The following VPS39 variants were observed in gnomAD, a reference collection of about 807,000 sequenced individuals.
VPS39 encodes the protein VPS39 subunit of HOPS complex.
In VPS39, 70 loss-of-function variants were observed where a neutral mutation model predicts 121.0. The observed-to-expected ratio is 0.58, with a 90% CI of 0.48 to 0.71. VPS39 has a LOEUF of 0.71. VPS39 is among the 30% of genes least tolerant of loss of function. The pLI, the probability that VPS39 is intolerant of heterozygous loss-of-function variation, is 0.00. For synonymous variants in VPS39, 378 were observed against 398.1 expected (o/e 0.95, Z 0.60); for missense variants, 818 against 1,051.5 (o/e 0.78, Z 3.07).
chr15:42,181,991 G>A (rs2049591078), intron 8 of VPS39, among the ~76,000 whole-genome samples: 1 of 152,170 alleles, frequency 6.6e-6, no homozygotes, highest in Non-Finnish European at 1.5e-5. Context: ...TGGGATTACA[G>A]GCATGAGTCG....
chr15:42,206,725 C>T (rs2050180765), intron 1 of VPS39, among the ~76,000 whole-genome samples: 1 of 152,116 alleles, frequency 6.6e-6, no homozygotes, highest in Non-Finnish European at 1.5e-5. Context: ...TGTATTTGTC[C>T]CCCAGTGTGT....
At chr15:42,184,459 C>T in intron 8 of VPS39, 58 bp downstream of exon 8, 1 of 1,518,588 alleles carries the variant, frequency 6.6e-7, no homozygotes, top group Non-Finnish European at 8.8e-7. Flanking sequence ...CTCCGTTCTG[C>T]AGGAATGGCA....
At chr15:42,170,190 T>C (rs2049319927) in intron 11 of VPS39, among the ~76,000 whole-genome samples, 1 of 151,476 alleles carries the variant, frequency 6.6e-6, no homozygotes, top group Admixed American at 6.6e-5. Flanking sequence ...GTAGAAGAGA[T>C]CAAGAGACTC....
chr15:42,161,863 C>A, intron 23 of VPS39, 90 bp from the exon 24 acceptor site: 3 of 1,588,620 alleles, frequency 1.9e-6, no homozygotes, highest in South Asian at 2.2e-5. Flanking sequence ...CTCTTTCAGT[C>A]GTCACAGATT....
At position 42,191,489 on chromosome 15, in the gene VPS39, T is replaced by G; in HGVS notation, c.204+7A>C. 1.9e-6 allele frequency: 3 copies of G among 1,613,926 alleles called. No individual in the cohort carries two copies. The highest frequency in any genetic ancestry group is 2.5e-6 in the Non-Finnish European group (3 of 1,179,808). ...ATATTCTTGTAAGGACTGCCATCAC[T>G]GCTTACCTGCTGAATCTTTTTGGAG... On this transcript the variant is annotated splice_region_variant and intron_variant, in intron 3 of 24. Coordinates refer to ENST00000318006, the MANE Select transcript of VPS39 (RefSeq NM_015289.5).
intron 10 of VPS39, among the ~76,000 whole-genome samples, chr15:42,176,278 T>C (rs943499747): frequency 3.3e-5 from 5 of 152,158 alleles, no homozygotes; most frequent in Admixed American, 1.3e-4. Context: ...GCATAACCTT[T>C]TTATCAAAAA....
chr15:42,187,037 C>T (rs2049717565), intron 7 of VPS39, among the ~76,000 whole-genome samples: 1 of 152,304 alleles, frequency 6.6e-6, no homozygotes, highest in South Asian at 2.1e-4. Context: ...GTAAAATACA[C>T]ACTGTGGATC....
At chr15:42,199,372 G>C (rs2050015927) in intron 2 of VPS39, among the ~76,000 whole-genome samples, 1 of 152,046 alleles carries the variant, frequency 6.6e-6, no homozygotes, top group South Asian at 2.1e-4. Flanking sequence ...ACAACTTTGT[G>C]GGGCAGAGAG....
At chr15:42,167,652 A>G (rs1460706946) in intron 12 of VPS39, 115 bp from the exon 13 acceptor site, 2 of 1,365,302 alleles carry the variant, frequency 1.5e-6, no homozygotes, top group Non-Finnish European at 2.0e-6. Context: ...CTGATCTCAC[A>G]TTAGCATTCG....
Position 42,162,083 on chromosome 15 carries a change from C to T in VPS39, c.2409G>A (p.Lys803=). The T allele has an allele frequency of 6.2e-7, 1 of 1,614,196 alleles. No individual in the cohort carries two copies. Among genetic ancestry groups the T allele is most frequent in the Non-Finnish European group, 8.5e-7 (1 of 1,180,032 alleles). Residue 803 remains lysine (K), a synonymous_variant, in exon 23 of 25, where the codon AAG becomes AAA. Coordinates refer to ENST00000318006, the MANE Select transcript of VPS39 (RefSeq NM_015289.5). The part of the protein sequence containing the change: ...LEKVLEENAQ[K]KRFNQVLKNL... ...TCTTGAGCACTTGATTGAACCGTTT[C>T]TTTTGTGCATTTTCTTCCAAGACCT...
intron 8 of VPS39, chr15:42,179,078 A>T (rs1196660762): frequency 6.5e-6 from 1 of 154,314 alleles, no homozygotes. Context: ...CACAAAAAAG[A>T]CACATCAGCT....
chr15:42,161,406 C>T (rs1478367235), intron 24 of VPS39: 3 of 511,450 alleles, frequency 5.9e-6, no homozygotes, highest in Admixed American at 3.1e-5. Context: ...CTCTTGGGCA[C>T]CCACTATATC....
chr15:42,163,733 G>A lies in VPS39; in HGVS notation c.2027-5C>T, dbSNP rs1030486701. On this transcript the variant is annotated splice_region_variant and splice_polypyrimidine_tract_variant and intron_variant, in intron 19 of 24. Coordinates refer to ENST00000318006, the MANE Select transcript of VPS39 (RefSeq NM_015289.5). ...GAGCTCGTTCTTCTAAGAGGCCTAGGAGGAAAAGGAATATGAGGAACCACT... is the reference window on the plus strand; with the variant it reads ...GAGCTCGTTCTTCTAAGAGGCCTAGAAGGAAAAGGAATATGAGGAACCACT... The A allele has an allele frequency of 6.2e-7, 1 of 1,606,196 alleles. No individual in the cohort carries two copies. The highest frequency in any genetic ancestry group is 8.5e-7 in the Non-Finnish European group (1 of 1,175,830).
In VPS39 at chr15:42,178,438, G is replaced by T; in HGVS notation, c.839+12C>A. 6.2e-7 allele frequency: 1 copy of T among 1,614,164 alleles called. No homozygotes were observed. Among genetic ancestry groups the T allele is most frequent in the Non-Finnish European group, 8.5e-7 (1 of 1,180,032 alleles). The stretch of plus-strand genomic sequence containing the variant: ...ATAATATACAGCCATAGCAAAAAAA[G>T]AAATTCCTTACCCTCCTGAGGTAAT... On this transcript the variant is annotated intron_variant, in intron 9 of 24. Transcript: ENST00000318006.
chr15:42,162,414 A>G lies in VPS39; in HGVS notation c.2243T>C (p.Leu748Pro). ...PSIHCLGPIK[L>P]ELLEPKANLQ... The stretch of plus-strand genomic sequence containing the variant: ...GTTGGCTTTTGGCTCCAGTAGTTCC[A>G]GCTTGATTGGCCCCAGGCAGTGAAT... The change falls in exon 22 of 25, where the codon CTG becomes CCG. Residue 748 changes from leucine (L) to proline (P), a missense_variant. By Grantham distance (98) the Leu-to-Pro change is moderately conservative. Transcript: ENST00000318006. 6.2e-7 allele frequency: 1 copy of G among 1,613,802 alleles called. No individual in the cohort carries two copies.
intron 12 of VPS39, 102 bp from the exon 13 acceptor site, chr15:42,167,639 G>A: frequency 6.9e-7 from 1 of 1,451,988 alleles, no homozygotes; most frequent in Non-Finnish European, 9.3e-7. Context: ...CATGCCTATT[G>A]GCCTGATCTC....
Position 42,162,405 on chromosome 15 carries a change from A to C in VPS39, c.2252T>G (p.Leu751Arg). ...GGCCTGGAGGTTGGCTTTTGGCTCC[A>C]GTAGTTCCAGCTTGATTGGCCCCAG... ...HCLGPIKLELLEPKANLQAAL... is the reference protein window; with the variant it reads ...HCLGPIKLELREPKANLQAAL... Residue 751 changes from leucine to arginine, a missense_variant, in exon 22 of 25, where the codon CTG becomes CGG. Transcript: ENST00000318006. 1 of 1,613,840 alleles carries C rather than the reference A, an allele frequency of 6.2e-7. No homozygotes were observed. Among genetic ancestry groups the C allele is most frequent in the Non-Finnish European group, 8.5e-7 (1 of 1,179,926 alleles).
rs375461511 is a variant in VPS39 at position 42,169,585 on chromosome 15, C to G, written c.1233+139G>C. 8.3e-6 allele frequency: 8 copies of G among 966,714 alleles called. No homozygotes were observed. In the African/African-American group the frequency reaches 1.3e-4, roughly 16 times the overall value. 59.9% of individuals were successfully genotyped at this position (966,714 alleles called of 1,614,324 possible). A position where few individuals can be genotyped will look rare whatever the true frequency, so the allele number is the denominator to read the frequency against. Reference sequence around the variant, plus strand: ...TAAAGTTAGAAGTAGCAGAAAGAAACTTTACCCCAGGCAGACTTCCTACAG... The same window carrying G: ...TAAAGTTAGAAGTAGCAGAAAGAAAGTTTACCCCAGGCAGACTTCCTACAG... On this transcript the variant is annotated intron_variant, in intron 12 of 24. Coordinates refer to ENST00000318006, the MANE Select transcript of VPS39 (RefSeq NM_015289.5).
intron 24 of VPS39, chr15:42,161,328 A>C (rs2049122133): frequency 2.5e-6 from 1 of 404,840 alleles, no homozygotes; most frequent in Non-Finnish European, 4.7e-6. Flanking sequence ...GTCACAATGC[A>C]GTAGCTTGAA....
Sources: allele counts gnomAD v4.1 joint callset (sites outside exome capture counted in the v4.1 genomes callset), GRCh38; gene constraint gnomAD v4.1.1; transcripts MANE v1.5; gene names NCBI Gene and HGNC (gene_info 2026-07-23, HGNC 2026-07-21).